USP43: variants seen among roughly 807,000 people sequenced by gnomAD.
USP43 encodes the protein ubiquitin specific peptidase 43, also known as ubiquitin carboxyl-terminal hydrolase 43.
A neutral mutation model predicts 90.7 loss-of-function variants in USP43; 33 were observed. The observed-to-expected ratio is 0.36, with a 90% CI of 0.28 to 0.49. The LOEUF is 0.49. Among genes scored for constraint, USP43 ranks in the 20% least tolerant of loss-of-function variants. USP43 has a pLI of 0.98. For synonymous variants in USP43, 598 were observed against 615.8 expected (o/e 0.97, Z 0.43); for missense variants, 1,274 against 1,476.4 (o/e 0.86, Z 2.25).
intron 8 of USP43, among the ~76,000 whole-genome samples, 163 bp from the exon 9 acceptor site, chr17:9,692,964 G>T (rs1024357485): frequency 3.9e-5 from 6 of 152,154 alleles, no homozygotes; most frequent in Non-Finnish European, 8.8e-5. Context: ...TGAAAAAAAT[G>T]AAGTTTTTGT....
intron 7 of USP43, among the ~76,000 whole-genome samples, chr17:9,683,609 C>A (rs1308239431): frequency 2.6e-5 from 4 of 152,040 alleles, no homozygotes; most frequent in Non-Finnish European, 5.9e-5. Context: ...TGAAATACAT[C>A]ATTTTTATCA....
chr17:9,656,852 G>A (rs1355640128), intron 2 of USP43, among the ~76,000 whole-genome samples: 1 of 152,204 alleles, frequency 6.6e-6, no homozygotes, highest in Admixed American at 6.5e-5. Flanking sequence ...AAGGCCATGA[G>A]TACCGTTCCT....
At chr17:9,718,598 T>C (rs1473125731) in intron 14 of USP43, among the ~76,000 whole-genome samples, 1 of 152,074 alleles carries the variant, frequency 6.6e-6, no homozygotes, top group Non-Finnish European at 1.5e-5. Flanking sequence ...CCCAGCACTT[T>C]GGGAGGCCAA....
chr17:9,681,486 A>ATATATATATC (rs1567661306), intron 6 of USP43, among the ~76,000 whole-genome samples: 2 of 38,114 alleles, frequency 5.2e-5, no homozygotes, highest in African/African-American at 1.8e-4. Flanking sequence ...ATATATATAT[A>ATATATATATC]TATATATATA....
intron 5 of USP43, among the ~76,000 whole-genome samples, chr17:9,678,839 C>G (rs995719118): frequency 6.6e-6 from 1 of 151,388 alleles, no homozygotes; most frequent in Non-Finnish European, 1.5e-5. Flanking sequence ...AGATGTACTT[C>G]ATGTACATGT....
In USP43 at chr17:9,685,019, G is replaced by C. The variant is rs539038806; in HGVS notation, c.1242-1779G>C. Reference sequence around the variant, plus strand: ...TAAGGGAATAATTGTGCGCTCAAAGGTTATGTCCAAGGTTATATCTAGTTC... The same window carrying C: ...TAAGGGAATAATTGTGCGCTCAAAGCTTATGTCCAAGGTTATATCTAGTTC... On this transcript the variant is annotated intron_variant, in intron 7 of 14. Coordinates refer to ENST00000285199, the MANE Select transcript of USP43 (RefSeq NM_153210.5). Among the ~76,000 whole-genome samples the C allele has an allele frequency of 9.2e-5, 14 of 152,234 alleles. No individual in the cohort carries two copies. In the South Asian group the frequency reaches 1.5e-3, roughly 16 times the overall value.
chr17:9,720,766 G>C (rs1916909532), intron 14 of USP43, among the ~76,000 whole-genome samples: 1 of 152,160 alleles, frequency 6.6e-6, no homozygotes, highest in Non-Finnish European at 1.5e-5. Context: ...GGGATTACAG[G>C]TGTGAGCCAC....
rs977938279 is a variant in USP43 at position 9,717,741 on chromosome 17, G to C, written c.2335+5609G>C. Among the ~76,000 whole-genome samples, 32 of 151,964 alleles carry C rather than the reference G, an allele frequency of 2.1e-4. 1 individual carries two copies. Among genetic ancestry groups the C allele is most frequent in the Admixed American group, 1.4e-3 (21 of 15,236 alleles). The stretch of plus-strand genomic sequence containing the variant: ...TCCTGCCATTCATGATCCTGAGCTG[G>C]AATAAGTGGGCAAATAATTATCTTA... On this transcript the variant is annotated intron_variant, in intron 14 of 14. Coordinates refer to ENST00000285199, the MANE Select transcript of USP43 (RefSeq NM_153210.5).
chr17:9,650,193 C>T (rs1454763765), intron 1 of USP43, among the ~76,000 whole-genome samples: 1 of 152,142 alleles, frequency 6.6e-6, no homozygotes, highest in Non-Finnish European at 1.5e-5. Flanking sequence ...TGATTATTCC[C>T]ATAAGCTTAA....
At chr17:9,687,592 G>T (rs970267662) in intron 8 of USP43, among the ~76,000 whole-genome samples, 2 of 152,148 alleles carry the variant, frequency 1.3e-5, no homozygotes, top group Admixed American at 6.5e-5. Context: ...ATGGTTGCTT[G>T]ACACAGAAGA....
chr17:9,701,821 C>A lies in USP43; in HGVS notation c.2011+121C>A. 1 of 795,254 alleles carries A rather than the reference C, an allele frequency of 1.3e-6. No individual in the cohort carries two copies. The allele number at this position is 795,254 out of a possible 1,614,324, so 49.3% of individuals were successfully genotyped here. A position where few individuals can be genotyped will look rare whatever the true frequency, so the allele number is the denominator to read the frequency against. On this transcript the variant is annotated intron_variant, in intron 12 of 14. Transcript: ENST00000285199. The surrounding 1 kb of genome is among the most constrained non-coding windows in gnomAD (Gnocchi z 7.2). ...CACTTATTGAGATCCGACCCCTCAC[C>A]CACCGCACACCAGGAAGATGAGGAT...
rs764733869 is a variant in USP43 at position 9,686,828 on chromosome 17, C to T, written c.1272C>T (p.Asp424=). 64 of 1,613,796 alleles carry T rather than the reference C, an allele frequency of 4.0e-5. No individual in the cohort carries two copies. The highest frequency in any genetic ancestry group is 5.1e-5 in the Non-Finnish European group (60 of 1,179,872). Residue 424 remains aspartate, a synonymous_variant, in exon 8 of 15, where the codon GAC becomes GAT. Coordinates refer to ENST00000285199, the MANE Select transcript of USP43 (RefSeq NM_153210.5). The surrounding 1 kb of genome is among the most constrained non-coding windows in gnomAD (Gnocchi z 5.5). ...RFGPPFLIRE[D]RAVSWAQLQQ... is the part of the protein sequence containing the mutation. Reference sequence around the variant, plus strand: ...GGCCACCCTTCCTGATAAGGGAAGACAGAGCTGTTTCCTGGGCCCAGCTCC... The same window carrying T: ...GGCCACCCTTCCTGATAAGGGAAGATAGAGCTGTTTCCTGGGCCCAGCTCC...
At chr17:9,672,902 C>G (rs751534758) in intron 3 of USP43, among the ~76,000 whole-genome samples, 3 of 152,200 alleles carry the variant, frequency 2.0e-5, no homozygotes, top group Non-Finnish European at 4.4e-5. Context: ...CTGTTTGTCC[C>G]TGGATTTTCC....
At chr17:9,675,060 C>A in intron 4 of USP43, 77 bp downstream of exon 4, 1 of 1,270,558 alleles carries the variant, frequency 7.9e-7, no homozygotes, top group Non-Finnish European at 1.1e-6. Context: ...TGGCCTCACA[C>A]CTGCCATTTT....
intron 4 of USP43, among the ~76,000 whole-genome samples, chr17:9,675,833 A>G (rs368738768): frequency 1.2e-4 from 19 of 152,342 alleles, no homozygotes; most frequent in African/African-American, 4.6e-4. Context: ...CAGTGACACC[A>G]TCAGATAATG....
At chr17:9,725,654 C>T (rs940561815) in intron 14 of USP43, among the ~76,000 whole-genome samples, 6 of 152,164 alleles carry the variant, frequency 3.9e-5, no homozygotes, top group Non-Finnish European at 7.4e-5. Context: ...AGAGGAGACA[C>T]GAGTTCCGTG....
In USP43 at chr17:9,686,004, C is replaced by T. The variant is rs1447085177; in HGVS notation, c.1242-794C>T. ...CCTCTAGTAGAACCACTATTCTACT[C>T]TACTTCTGTGACATTAACTTTTTTA... On this transcript the variant is annotated intron_variant, in intron 7 of 14. Coordinates refer to ENST00000285199, the MANE Select transcript of USP43 (RefSeq NM_153210.5). This position sits in a 1 kb window ranked among gnomAD's most constrained non-coding sequence, Gnocchi z 5.5. 1.3e-5 allele frequency among the ~76,000 whole-genome samples: 2 copies of T among 152,196 alleles called. No individual in the cohort carries two copies. The highest frequency in any genetic ancestry group is 1.3e-4 in the Admixed American group (2 of 15,286).
chr17:9,675,090 C>A, intron 4 of USP43, 107 bp downstream of exon 4: 1 of 961,246 alleles, frequency 1.0e-6, no homozygotes. Flanking sequence ...GCTTCTCAGC[C>A]AGCATTTCTC....
At chr17:9,703,405 C>G (rs931270653) in intron 12 of USP43, among the ~76,000 whole-genome samples, 3 of 152,172 alleles carry the variant, frequency 2.0e-5, no homozygotes, top group Admixed American at 6.5e-5. Context: ...TGGCATCTGC[C>G]TTATCAAAAG....
Sources: gnomAD v4.1 joint callset for allele counts (sites outside exome capture counted in the v4.1 genomes callset) on GRCh38, gnomAD v4.1.1 for gene constraint, Gnocchi (gnomAD v3.1) non-coding constraint, MANE v1.5 for transcripts, NCBI Gene and HGNC (gene_info 2026-07-23, HGNC 2026-07-21) for gene names.